Variants in RWDD1 observed in about 807,000 individuals in gnomAD.
RWDD1 encodes RWD domain containing 1.
RWDD1 carries 17 observed loss-of-function variants against 31.6 expected under a neutral mutation model. The observed-to-expected ratio is 0.54, with a 90% confidence interval of 0.37 to 0.81. RWDD1 has a LOEUF of 0.81. RWDD1 is among the 30% of genes least tolerant of loss of function. RWDD1 has a pLI of 0.00. For synonymous variants in RWDD1, 78 were observed against 94.2 expected (o/e 0.83, Z 0.99); for missense variants, 204 against 274.5 (o/e 0.74, Z 1.82).
chr6:116,572,308 A>T (rs1019685002), intron 1 of RWDD1: 6 of 152,422 alleles, frequency 3.9e-5, no homozygotes, highest in East Asian at 1.9e-4. Flanking sequence ...AGCCAAGGTC[A>T]TGGGGGTTCA....
rs1382059740 is a variant in RWDD1 at position 116,584,771 on chromosome 6, G to A, written c.184G>A (p.Asp62Asn). The A allele has an allele frequency of 6.2e-7, 1 of 1,608,246 alleles. No homozygotes were observed. The highest frequency in any genetic ancestry group is 2.2e-5 in the East Asian group (1 of 44,800). ...GTTTACATACAGTGAAAAATACCCA[G>A]ATGAAGCTCCCCTTTATGAAATATT... ...LKFTYSEKYP[D>N]EAPLYEIFSQ... is the part of the protein sequence containing the mutation. Residue 62 changes from aspartate (D) to asparagine (N), a missense_variant, in exon 3 of 7, where the codon GAT (aspartate) becomes AAT (asparagine). Coordinates refer to ENST00000466444, the MANE Select transcript of RWDD1 (RefSeq NM_015952.4).
chr6:116,573,057 G>A (rs957526333), intron 1 of RWDD1: 1 of 911,660 alleles, frequency 1.1e-6, no homozygotes, highest in Non-Finnish European at 1.3e-6. Flanking sequence ...AGAATATAGG[G>A]TCAGTTGTTG....
intron 1 of RWDD1, among the ~76,000 whole-genome samples, chr6:116,577,634 A>G (rs1354603132): frequency 1.4e-5 from 2 of 146,394 alleles, no homozygotes; most frequent in East Asian, 3.9e-4. Context: ...AACTTAAAAT[A>G]TCATCATCAC....
In RWDD1 at chr6:116,597,017, T is replaced by C. The variant is rs921971577; in HGVS notation, c.*3916T>C. The stretch of plus-strand genomic sequence containing the variant: ...GGCCCATTCCCAACATGAGTGCTGC[T>C]GTCCACGGTACTGAACCATCAATGC... On this transcript the variant is annotated 3_prime_UTR_variant, in exon 7 of 7. Coordinates refer to ENST00000466444, the MANE Select transcript of RWDD1 (RefSeq NM_015952.4). 2 of 152,220 alleles carry C rather than the reference T, an allele frequency of 1.3e-5. No individual in the cohort carries two copies. The highest frequency in any genetic ancestry group is 4.8e-5 in the African/African-American group (2 of 41,456). The allele number at this position is 152,220 out of a possible 1,614,324, so 9.4% of individuals were successfully genotyped here. A position where few individuals can be genotyped will look rare whatever the true frequency, so the allele number is the denominator to read the frequency against.
In RWDD1 at chr6:116,597,593, A is replaced by C. The variant is rs1172725831; in HGVS notation, c.*4492A>C. On this transcript the variant is annotated 3_prime_UTR_variant, in exon 7 of 7. Coordinates refer to ENST00000466444, the MANE Select transcript of RWDD1 (RefSeq NM_015952.4). ...ATGCATCATGGGATTATTGGCTGCA[A>C]ATAAATTGGAAACATAAAAGGTGTT... 6 of 152,168 alleles carry C rather than the reference A, an allele frequency of 3.9e-5. No homozygotes were observed. Among genetic ancestry groups the C allele is most frequent in the Non-Finnish European group, 5.9e-5 (4 of 68,010 alleles). 9.4% of individuals were successfully genotyped at this position (152,168 alleles called of 1,614,324 possible). A position where few individuals can be genotyped will look rare whatever the true frequency, so the allele number is the denominator to read the frequency against.
At chr6:116,577,907 T>C (rs62424373) in intron 1 of RWDD1, among the ~76,000 whole-genome samples, 7,515 of 152,278 alleles carry the variant, frequency 0.049, 198 homozygotes, top group South Asian at 0.078. Flanking sequence ...GCAAATGGAA[T>C]AATTTCTTAT....
intron 6 of RWDD1, among the ~76,000 whole-genome samples, chr6:116,592,142 T>C (rs769842497): frequency 9.9e-5 from 15 of 152,192 alleles, no homozygotes; most frequent in Non-Finnish European, 1.9e-4. Context: ...CCACTGCTTA[T>C]AGGGAGAGAA....
chr6:116,580,823 G>C (rs561860846), intron 2 of RWDD1, among the ~76,000 whole-genome samples: 1 of 152,052 alleles, frequency 6.6e-6, no homozygotes, highest in Admixed American at 6.5e-5. Flanking sequence ...TCTTTCTTTT[G>C]AAATAACGTA....
In RWDD1 at chr6:116,590,328, G is replaced by A. The variant is rs1257786682; in HGVS notation, c.471G>A (p.Lys157=). The change falls in exon 5 of 7, where the codon AAG becomes AAA. Residue 157 remains lysine, a synonymous_variant. Transcript: ENST00000466444. ...TIENFLNWKA[K]FDAELLEIKK... Reference sequence around the variant, plus strand: ...AGAATTTCTTAAATTGGAAAGCCAAGTTTGATGCAGAACTCTTGGAAATTA... The same window carrying A: ...AGAATTTCTTAAATTGGAAAGCCAAATTTGATGCAGAACTCTTGGAAATTA... The A allele has an allele frequency of 1.2e-6, 2 of 1,601,352 alleles. No individual in the cohort carries two copies. The highest frequency in any genetic ancestry group is 1.4e-5 in the African/African-American group (1 of 74,060).
chr6:116,592,268 C>T, intron 6 of RWDD1, among the ~76,000 whole-genome samples: 1 of 151,974 alleles, frequency 6.6e-6, no homozygotes, highest in Non-Finnish European at 1.5e-5. Context: ...TTCTCTCTGC[C>T]TTTGTGTATA....
chr6:116,581,757 G>A (rs1449574423), intron 2 of RWDD1, among the ~76,000 whole-genome samples: 1 of 152,178 alleles, frequency 6.6e-6, no homozygotes, highest in East Asian at 1.9e-4. Flanking sequence ...CGAAACACAT[G>A]TTCAGGAGAA....
chr6:116,582,563 A>G (rs1461120894), intron 2 of RWDD1, among the ~76,000 whole-genome samples: 2 of 152,146 alleles, frequency 1.3e-5, no homozygotes, highest in African/African-American at 4.8e-5. Context: ...ATGCACTACA[A>G]TAGATCTGAA....
chr6:116,592,891 T>G, intron 6 of RWDD1, 89 bp from the exon 7 acceptor site: 2 of 1,416,422 alleles, frequency 1.4e-6, no homozygotes, highest in South Asian at 2.7e-5. Context: ...TTTGGAGATT[T>G]CTGTTTGGTA....
At chr6:116,577,510 T>C (rs1371638998) in intron 1 of RWDD1, among the ~76,000 whole-genome samples, 1 of 152,026 alleles carries the variant, frequency 6.6e-6, no homozygotes, top group Non-Finnish European at 1.5e-5. Context: ...TCTGATTGCA[T>C]GTTCAACACT....
Position 116,593,144 on chromosome 6 carries a change from C to T in RWDD1, c.*43C>T. Reference sequence around the variant, plus strand: ...CAGAGAGGCTTGACTGCCACAGCATCTGTGGCTATGCTCAGAGGGTTATGA... The same window carrying T: ...CAGAGAGGCTTGACTGCCACAGCATTTGTGGCTATGCTCAGAGGGTTATGA... On this transcript the variant is annotated 3_prime_UTR_variant, in exon 7 of 7. Transcript: ENST00000466444. The T allele has an allele frequency of 6.3e-7, 1 of 1,577,598 alleles. No individual in the cohort carries two copies. Among genetic ancestry groups the T allele is most frequent in the Non-Finnish European group, 8.6e-7 (1 of 1,163,278 alleles).
At chr6:116,583,703 A>G (rs1263564666) in intron 2 of RWDD1, among the ~76,000 whole-genome samples, 1 of 152,024 alleles carries the variant, frequency 6.6e-6, no homozygotes. Context: ...GGAAGAAATA[A>G]AATGGAAAAA....
At chr6:116,581,433 G>A (rs1774945846) in intron 2 of RWDD1, among the ~76,000 whole-genome samples, 1 of 152,064 alleles carries the variant, frequency 6.6e-6, no homozygotes, top group South Asian at 2.1e-4. Context: ...TCTTGTGAGA[G>A]CTCCCATATT....
intron 1 of RWDD1, among the ~76,000 whole-genome samples, chr6:116,575,108 A>G (rs1431404086): frequency 1.3e-5 from 2 of 151,482 alleles, no homozygotes; most frequent in African/African-American, 2.4e-5. Context: ...TTTTTTTGAG[A>G]GAGAGTCTCC....
At chr6:116,579,548 C>T (rs141348392) in intron 1 of RWDD1, among the ~76,000 whole-genome samples, 2 of 152,226 alleles carry the variant, frequency 1.3e-5, no homozygotes, top group Non-Finnish European at 2.9e-5. Flanking sequence ...TAGGAGCTCT[C>T]ATAGAGTTGT....
Sources: allele counts gnomAD v4.1 joint callset (sites outside exome capture counted in the v4.1 genomes callset), GRCh38; gene constraint gnomAD v4.1.1; transcripts MANE v1.5; gene names NCBI Gene and HGNC (gene_info 2026-07-23, HGNC 2026-07-21).